SUSD4: variants seen among roughly 807,000 people sequenced by gnomAD.
SUSD4 encodes sushi domain containing 4.
Under a neutral mutation model 50.5 loss-of-function variants are expected in SUSD4, and 41 were observed. The ratio of observed to expected loss-of-function variants is 0.81; its 90% CI spans 0.63 to 1.05. The LOEUF (loss-of-function observed/expected upper bound fraction) is 1.05, where lower values mean the gene tolerates loss of function less well. SUSD4 is among the 50% of genes least tolerant of loss of function. The pLI, the probability that SUSD4 is intolerant of heterozygous loss-of-function variation, is 0.00. For synonymous variants in SUSD4, 257 were observed against 257.3 expected (o/e 1.00, Z 0.01); for missense variants, 580 against 634.7 (o/e 0.91, Z 0.93).
chr1:223,266,522 T>C (rs1283748885), intron 4 of SUSD4, among the ~76,000 whole-genome samples: 3 of 152,198 alleles, frequency 2.0e-5, no homozygotes, highest in Admixed American at 2.0e-4. Context: ...TAAGCTGGTT[T>C]CTCTCAAATA....
intron 2 of SUSD4, among the ~76,000 whole-genome samples, chr1:223,358,450 G>A (rs1292544073): frequency 6.6e-6 from 1 of 152,214 alleles, no homozygotes; most frequent in African/African-American, 2.4e-5. Context: ...GTCCTATAAA[G>A]AATGCAGAGC....
At chr1:223,285,092 A>G (rs1305836804) in intron 3 of SUSD4, among the ~76,000 whole-genome samples, 3 of 152,230 alleles carry the variant, frequency 2.0e-5, no homozygotes, top group Non-Finnish European at 4.4e-5. Flanking sequence ...CATTACACAT[A>G]TATGTATTAA....
At chr1:223,269,939 G>C (rs1353702668) in intron 3 of SUSD4, among the ~76,000 whole-genome samples, 2 of 152,188 alleles carry the variant, frequency 1.3e-5, no homozygotes, top group Admixed American at 1.3e-4. Context: ...GAAGAGAAGG[G>C]AAATGCTGTG....
chr1:223,245,678 G>C (rs1217673483), intron 5 of SUSD4, among the ~76,000 whole-genome samples: 1 of 152,228 alleles, frequency 6.6e-6, no homozygotes, highest in Non-Finnish European at 1.5e-5. Flanking sequence ...GGCTGTTAGA[G>C]AGCAGGGATA....
chr1:223,337,385 G>A (rs971154730), intron 2 of SUSD4, among the ~76,000 whole-genome samples: 9 of 152,124 alleles, frequency 5.9e-5, no homozygotes, highest in African/African-American at 2.2e-4. Context: ...ATGAATGAAC[G>A]GCACTTTATA....
intron 3 of SUSD4, among the ~76,000 whole-genome samples, chr1:223,284,617 C>A (rs1664008395): frequency 6.6e-6 from 1 of 152,108 alleles, no homozygotes; most frequent in African/African-American, 2.4e-5. Context: ...CGGTATTCAA[C>A]AATAGATGAA....
At chr1:223,273,535 G>C (rs904829127) in intron 3 of SUSD4, among the ~76,000 whole-genome samples, 10 of 152,230 alleles carry the variant, frequency 6.6e-5, no homozygotes, top group African/African-American at 2.2e-4. Context: ...TGTATGGCAG[G>C]GGCCTTCGCC....
At chr1:223,325,559 T>C (rs1403764485) in intron 2 of SUSD4, among the ~76,000 whole-genome samples, 1 of 152,138 alleles carries the variant, frequency 6.6e-6, no homozygotes, top group African/African-American at 2.4e-5. Context: ...GGCATCCAAA[T>C]TGGAAAAGAG....
At chr1:223,233,022 C>T (rs1659994872) in intron 5 of SUSD4, among the ~76,000 whole-genome samples, 1 of 152,196 alleles carries the variant, frequency 6.6e-6, no homozygotes, top group Admixed American at 6.5e-5. Flanking sequence ...CCATGCTGCC[C>T]TTCCCGTACT....
chr1:223,272,590 CT>C (rs1662993047), intron 3 of SUSD4, among the ~76,000 whole-genome samples: 1 of 152,180 alleles, frequency 6.6e-6, no homozygotes, highest in Admixed American at 6.5e-5. Flanking sequence ...GTTAGTTATA[CT>C]TGAAAATGAA....
intron 5 of SUSD4, among the ~76,000 whole-genome samples, chr1:223,239,715 G>A (rs182664588): frequency 8.6e-5 from 13 of 151,272 alleles, no homozygotes; most frequent in East Asian, 3.9e-4. Context: ...ATATATAAGC[G>A]TCTGTGTGTG....
At chr1:223,239,179 C>T (rs1432246728) in intron 5 of SUSD4, among the ~76,000 whole-genome samples, 1 of 152,004 alleles carries the variant, frequency 6.6e-6, no homozygotes, top group Non-Finnish European at 1.5e-5. Context: ...TTACTGTTAG[C>T]AGGGTACATT....
rs1389258904 is a variant in SUSD4, at chr1:223,223,624, G to A, written c.1069C>T (p.Pro357Ser). The A allele has an allele frequency of 1.9e-6, 3 of 1,603,644 alleles. No homozygotes were observed. In the African/African-American group the frequency reaches 4.0e-5, roughly 21 times the overall value. ...FKAHFPPRGPPRSSSSDPDFV... is the reference protein window; with the variant it reads ...FKAHFPPRGPSRSSSSDPDFV... ...TCAGGGTCACTGCTGGAACTCCGGGGAGGCCCCCTGTGTAAAGGAAAGAAG... is the reference window on the plus strand; with the variant it reads ...TCAGGGTCACTGCTGGAACTCCGGGAAGGCCCCCTGTGTAAAGGAAAGAAG... Residue 357 changes from proline to serine, a missense_variant, in exon 8 of 9, where the codon CCC (proline) becomes TCC (serine). Coordinates refer to ENST00000366878, the MANE Select transcript of SUSD4 (RefSeq NM_017982.4).
At chr1:223,240,736 CAT>C (rs1660523645) in intron 5 of SUSD4, among the ~76,000 whole-genome samples, 1 of 152,166 alleles carries the variant, frequency 6.6e-6, no homozygotes, top group Non-Finnish European at 1.5e-5. Context: ...GCATATTAAT[CAT>C]AGTTGTTTTA....
chr1:223,360,520 A>G (rs1039102108), intron 2 of SUSD4, among the ~76,000 whole-genome samples: 4 of 152,116 alleles, frequency 2.6e-5, no homozygotes, highest in Non-Finnish European at 4.4e-5. Flanking sequence ...AGGCTCATAA[A>G]AGCTTCCCTA....
At chr1:223,251,727 C>T (rs1661325787) in intron 5 of SUSD4, among the ~76,000 whole-genome samples, 1 of 152,138 alleles carries the variant, frequency 6.6e-6, no homozygotes, top group Non-Finnish European at 1.5e-5. Context: ...GTGCATGTGT[C>T]TTTATAGCAG....
At chr1:223,292,190 T>C (rs940725751) in intron 3 of SUSD4, among the ~76,000 whole-genome samples, 2 of 152,216 alleles carry the variant, frequency 1.3e-5, no homozygotes, top group African/African-American at 4.8e-5. Context: ...CTCTCCTGCA[T>C]TGACAAAAAT....
chr1:223,313,671 G>A (rs912129507), intron 2 of SUSD4, among the ~76,000 whole-genome samples: 3 of 152,072 alleles, frequency 2.0e-5, no homozygotes, highest in African/African-American at 7.2e-5. Context: ...TAAGATAGGA[G>A]GTCAGCACAA....
chr1:223,256,732 C>A (rs1482090540), intron 5 of SUSD4, among the ~76,000 whole-genome samples: 1 of 152,206 alleles, frequency 6.6e-6, no homozygotes, highest in East Asian at 1.9e-4. Context: ...CTAAGATCAA[C>A]CCTTCCAACT....
Sources: allele counts gnomAD v4.1 joint callset (sites outside exome capture counted in the v4.1 genomes callset), GRCh38; gene constraint gnomAD v4.1.1; transcripts MANE v1.5; gene names NCBI Gene and HGNC (gene_info 2026-07-23, HGNC 2026-07-21).